PHACTR4: variants seen among roughly 807,000 people sequenced by gnomAD.
The protein encoded by PHACTR4 is phosphatase and actin regulator 4.
PHACTR4 carries 51 observed loss-of-function variants against 72.7 expected under a neutral mutation model. The ratio of observed to expected loss-of-function variants is 0.70; its 90% CI spans 0.56 to 0.89. The LOEUF (loss-of-function observed/expected upper bound fraction) is 0.89, where lower values mean the gene tolerates loss of function less well. PHACTR4 is among the 40% of genes least tolerant of loss of function. The pLI, the probability that PHACTR4 is intolerant of heterozygous loss-of-function variation, is 0.00. For missense variants in PHACTR4, 731 were observed against 861.8 expected, an observed-to-expected ratio of 0.85 and a Z score of 1.90; for synonymous variants, 255 against 302.5, an observed-to-expected ratio of 0.84 and a Z score of 1.63.
intron 2 of PHACTR4, among the ~76,000 whole-genome samples, chr1:28,448,780 A>AAAAAACAAAAAAC (rs1557822102): frequency 3.0e-5 from 4 of 134,448 alleles, no homozygotes; most frequent in African/African-American, 1.4e-4. Context: ...AAAAAAAAAA[A>AAAAAACAAAAAAC]AAAAACCTGA....
intron 9 of PHACTR4, 57 bp downstream of exon 9, chr1:28,480,661 ATGT>A (rs1479543969): frequency 8.8e-6 from 14 of 1,587,370 alleles, no homozygotes; most frequent in African/African-American, 1.3e-5. Context: ...TTTGTGTTAG[ATGT>A]TGTTAGATGT....
At chr1:28,385,870 C>T (rs1569773084) in intron 1 of PHACTR4, among the ~76,000 whole-genome samples, 1 of 151,980 alleles carries the variant, frequency 6.6e-6, no homozygotes, top group African/African-American at 2.4e-5. Flanking sequence ...CCTCCTTGGC[C>T]TCCCAAAGTG....
Position 28,450,593 on chromosome 1 carries a change from A to G in PHACTR4, c.17-8492A>G, listed in dbSNP as rs572461845. On this transcript the variant is annotated intron_variant, in intron 2 of 13. Coordinates refer to ENST00000373839, the MANE Select transcript of PHACTR4 (RefSeq NM_001048183.3). ...AGTGATGATTTCTGGATACCTGAGT[A>G]TATTTTTTGTTTTTGTTTTTTTTGG... Among the ~76,000 whole-genome samples the G allele has an allele frequency of 9.2e-5, 14 of 152,052 alleles. No homozygotes were observed. In the South Asian group the frequency reaches 1.0e-3, roughly 11 times the overall value.
chr1:28,409,528 G>A (rs143346703), intron 2 of PHACTR4, among the ~76,000 whole-genome samples: 1 of 152,236 alleles, frequency 6.6e-6, no homozygotes, highest in East Asian at 1.9e-4. Flanking sequence ...AGAAATCAGA[G>A]GCAGTTTTAC....
Position 28,493,018 on chromosome 1 carries a change from G to T in PHACTR4, c.2020G>T (p.Ala674Ser), listed in dbSNP as rs760862649. Residue 674 changes from alanine to serine, a missense_variant, in exon 13 of 14, where the codon GCC (alanine) becomes TCC (serine). Ala to Ser is a moderately conservative substitution (Grantham distance 99, BLOSUM62 1). Around this residue, in one of 2 missense-constraint regions of PHACTR4, gnomAD observed 110 missense variants for 185.2 expected, o/e 0.59. Transcript: ENST00000373839. ...WTKLTPADKA[A>S]IRKELNEFKS... ...CATTTTTGTCTCTACTCCACAGGCT[G>T]CCATAAGAAAAGAATTAAATGAATT... 3.1e-6 allele frequency: 5 copies of T among 1,611,512 alleles called. No homozygotes were observed. The Admixed American group carries it at 5.0e-5, about 16-fold the overall frequency.
chr1:28,453,651 CA>C, intron 2 of PHACTR4: 1 of 1,289,262 alleles, frequency 7.8e-7, no homozygotes, highest in Non-Finnish European at 1.1e-6. Flanking sequence ...TCGGTTCTAA[CA>C]TCCAAAAATC....
intron 1 of PHACTR4, among the ~76,000 whole-genome samples, chr1:28,386,307 T>A (rs1393125728): frequency 6.6e-6 from 1 of 151,844 alleles, no homozygotes; most frequent in Non-Finnish European, 1.5e-5. Context: ...TTGGCCAGGC[T>A]GGTCTTGAAC....
chr1:28,393,222 C>T (rs927865596), intron 1 of PHACTR4, among the ~76,000 whole-genome samples: 3 of 152,136 alleles, frequency 2.0e-5, no homozygotes, highest in African/African-American at 7.2e-5. Flanking sequence ...ATTTTACTAA[C>T]AATCTTTTAC....
At chr1:28,417,148 C>G (rs932269311) in intron 2 of PHACTR4, among the ~76,000 whole-genome samples, 2 of 151,280 alleles carry the variant, frequency 1.3e-5, no homozygotes, top group Non-Finnish European at 2.9e-5. Flanking sequence ...CCTATGTAGA[C>G]TAGTGTTAAA....
intron 4 of PHACTR4, among the ~76,000 whole-genome samples, chr1:28,464,496 T>G (rs2124480163): frequency 6.6e-6 from 1 of 152,276 alleles, no homozygotes; most frequent in Non-Finnish European, 1.5e-5. Flanking sequence ...GGAGGACTGT[T>G]TGAGCCCAGG....
At chr1:28,386,540 T>A (rs1020971685) in intron 1 of PHACTR4, among the ~76,000 whole-genome samples, 4 of 152,166 alleles carry the variant, frequency 2.6e-5, no homozygotes, top group Non-Finnish European at 4.4e-5. Flanking sequence ...CTCACTATTA[T>A]TTTGTGGGAA....
intron 1 of PHACTR4, among the ~76,000 whole-genome samples, chr1:28,389,524 C>T (rs1233701238): frequency 2.1e-5 from 3 of 145,944 alleles, no homozygotes; most frequent in Non-Finnish European, 3.0e-5. Flanking sequence ...TGTTGCCAGG[C>T]TGGAGTGCAG....
intron 9 of PHACTR4, among the ~76,000 whole-genome samples, chr1:28,482,520 GAC>G (rs993256009): frequency 2.0e-5 from 3 of 152,168 alleles, no homozygotes; most frequent in Admixed American, 2.0e-4. Context: ...GTTTTTGTTT[GAC>G]ACAGATGTTT....
chr1:28,441,947 G>T (rs1657064877), intron 2 of PHACTR4, among the ~76,000 whole-genome samples: 1 of 152,110 alleles, frequency 6.6e-6, no homozygotes, highest in Admixed American at 6.6e-5. Context: ...ACTCATGATT[G>T]TACCTCTGCA....
At chr1:28,401,552 C>A (rs1653947472) in intron 1 of PHACTR4, among the ~76,000 whole-genome samples, 1 of 152,024 alleles carries the variant, frequency 6.6e-6, no homozygotes, top group African/African-American at 2.4e-5. Flanking sequence ...GGCGATCTGC[C>A]CGCCTTGGCC....
chr1:28,480,346 G>T, intron 8 of PHACTR4, 105 bp from the exon 9 acceptor site: 1 of 1,325,094 alleles, frequency 7.5e-7, no homozygotes, highest in Non-Finnish European at 1.0e-6. Context: ...TGGGAACTGG[G>T]AATTAAATAT....
chr1:28,465,563 C>A, intron 4 of PHACTR4, 122 bp from the exon 5 acceptor site: 1 of 1,011,136 alleles, frequency 9.9e-7, no homozygotes, highest in Non-Finnish European at 1.4e-6. Context: ...CCAGCCTGGG[C>A]AACATAGTGA....
At chr1:28,469,992 GC>G (rs1042001187) in intron 6 of PHACTR4, among the ~76,000 whole-genome samples, 24 of 152,056 alleles carry the variant, frequency 1.6e-4, no homozygotes, top group African/African-American at 5.8e-4. Context: ...CCGGGAAGTG[GC>G]GGTTGCAGTG....
At chr1:28,477,455 G>A (rs1450243918) in intron 8 of PHACTR4, among the ~76,000 whole-genome samples, 1 of 148,642 alleles carries the variant, frequency 6.7e-6, no homozygotes, top group Non-Finnish European at 1.5e-5. Flanking sequence ...TTACAGGCAT[G>A]AGCCACCGTG....
Sources: allele counts gnomAD v4.1 joint callset (sites outside exome capture counted in the v4.1 genomes callset), GRCh38; gene constraint gnomAD v4.1.1; regional missense constraint gnomAD v4.1.1; transcripts MANE v1.5; gene names NCBI Gene and HGNC (gene_info 2026-07-23, HGNC 2026-07-21).